MVB12A: variants seen among roughly 807,000 people sequenced by gnomAD.
MVB12A encodes multivesicular body subunit 12A, also known as CIN85/CD2AP family binding protein.
MVB12A carries 30 observed loss-of-function variants against 34.3 expected under a neutral mutation model. The observed-to-expected ratio is 0.88, with a 90% CI of 0.65 to 1.19. The LOEUF is 1.19. Among genes scored for constraint, MVB12A ranks in the 50% most tolerant of loss-of-function variants. The probability of loss-of-function intolerance (pLI) is 0.00; values close to 1 mark genes in which losing one functional copy is unlikely to be tolerated. For missense variants in MVB12A, 355 were observed against 369.2 expected, an observed-to-expected ratio of 0.96 and a Z score of 0.31; for synonymous variants, 158 against 158.9, an observed-to-expected ratio of 0.99 and a Z score of 0.04.
At chr19:17,412,040 C>T (rs938083768) in intron 2 of MVB12A, among the ~76,000 whole-genome samples, 7 of 152,126 alleles carry the variant, frequency 4.6e-5, no homozygotes, top group Non-Finnish European at 1.0e-4. Context: ...CCGCTGCCAT[C>T]TAGGGATGTA....
intron 3 of MVB12A, chr19:17,421,120 A>G (rs919407036): frequency 4.7e-6 from 2 of 422,030 alleles, no homozygotes; most frequent in Non-Finnish European, 9.4e-6. Context: ...GAACTTTCCC[A>G]CCCTTTCTTG....
chr19:17,408,424 ATTTTG>A (rs1298214674), intron 2 of MVB12A, among the ~76,000 whole-genome samples: 1 of 146,200 alleles, frequency 6.8e-6, no homozygotes, highest in Non-Finnish European at 1.5e-5. Flanking sequence ...TATTTATTTT[ATTTTG>A]TTTTAATTAA....
intron 1 of MVB12A, chr19:17,405,933 C>T (rs1358605057): frequency 1.1e-5 from 2 of 177,926 alleles, no homozygotes; most frequent in East Asian, 3.2e-4. Context: ...TGTACTATGA[C>T]CTGAAGAGGC....
chr19:17,417,901 CTTT>C (rs35259022), upstream of MVB12A: 390 of 237,176 alleles, frequency 1.6e-3, no homozygotes, highest in South Asian at 4.5e-3. Context: ...CTTCTTCTTC[CTTT>C]TTTTTTTTTT....
At chr19:17,421,145 C>T (rs1436869481) in intron 3 of MVB12A, 1 of 453,886 alleles carries the variant, frequency 2.2e-6, no homozygotes, top group Non-Finnish European at 4.4e-6. Context: ...TTTTATTTGA[C>T]TCAGGCTATA....
At chr19:17,419,431 C>T (rs925563399), upstream of MVB12A, 1 of 152,162 alleles carries the variant, frequency 6.6e-6, no homozygotes, top group South Asian at 2.1e-4. Context: ...TTATACGTCG[C>T]TTTTTAAACG....
intron 3 of MVB12A, 106 bp downstream of exon 3, chr19:17,420,740 A>AT: frequency 1.3e-6 from 1 of 749,972 alleles, no homozygotes; most frequent in Non-Finnish European, 2.3e-6. Flanking sequence ...GCCCCCTGGC[A>AT]CACGGGGTGA....
At chr19:17,413,629 G>C (rs1218222755) in intron 2 of MVB12A, among the ~76,000 whole-genome samples, 1 of 152,080 alleles carries the variant, frequency 6.6e-6, no homozygotes, top group Non-Finnish European at 1.5e-5. Context: ...AGGGTCCCTT[G>C]AGCCCAAGAG....
intron 2 of MVB12A, among the ~76,000 whole-genome samples, chr19:17,409,486 T>C (rs1220091709): frequency 7.0e-6 from 1 of 143,016 alleles, no homozygotes. Flanking sequence ...TTCACTCTTG[T>C]TACCCAGGGT....
At chr19:17,420,026 C>G, upstream of MVB12A, 3 of 514,014 alleles carry the variant, frequency 5.8e-6, no homozygotes, top group Non-Finnish European at 8.8e-6. Flanking sequence ...CCCCCCCCCC[C>G]CGCATGGCCT....
chr19:17,407,005 C>T (rs564854920), intron 2 of MVB12A, among the ~76,000 whole-genome samples: 2 of 152,174 alleles, frequency 1.3e-5, no homozygotes, highest in Admixed American at 6.6e-5. Flanking sequence ...CAGCACTGTT[C>T]TGGCCTGCTA....
Position 17,422,429 on chromosome 19 carries a change from C to A in MVB12A, c.384C>A (p.Thr128=). 2 of 1,613,362 alleles carry A rather than the reference C, an allele frequency of 1.2e-6. No individual in the cohort carries two copies. The highest frequency in any genetic ancestry group is 2.2e-5 in the East Asian group (1 of 44,836). ...TTGATGTCCGGCTGAGTGGGAAGACCAAGACAGTGCCTGGATACCTTCGAA... is the reference window on the plus strand; with the variant it reads ...TTGATGTCCGGCTGAGTGGGAAGACAAAGACAGTGCCTGGATACCTTCGAA... ...AVFDVRLSGK[T]KTVPGYLRIG... is the part of the protein sequence containing the mutation. The change falls in exon 4 of 9, where the codon ACC becomes ACA. Residue 128 remains threonine (T), a synonymous_variant. Coordinates refer to ENST00000317040, the MANE Select transcript of MVB12A (RefSeq NM_138401.4).
At chr19:17,414,356 C>T (rs915164318) in intron 2 of MVB12A, 1 of 152,232 alleles carries the variant, frequency 6.6e-6, no homozygotes, top group Non-Finnish European at 1.5e-5. Context: ...ACTCCTCTCT[C>T]ACACCTATCA....
At position 17,425,331 on chromosome 19, in the gene MVB12A, C is replaced by T. The variant is rs1032483069; in HGVS notation, c.*338C>T. On this transcript the variant is annotated 3_prime_UTR_variant, in exon 9 of 9. Coordinates refer to ENST00000317040, the MANE Select transcript of MVB12A (RefSeq NM_138401.4). ...GGCAATAAACACTACCCGGTTCTCG[C>T]CCTCTGGAGTCCTGATCCTGCCGCC... The T allele has an allele frequency of 3.1e-6, 1 of 325,022 alleles. No individual in the cohort carries two copies. The highest frequency in any genetic ancestry group is 2.1e-5 in the African/African-American group (1 of 46,722). The allele number at this position is 325,022 out of a possible 1,614,324, so 20.1% of individuals were successfully genotyped here. A position where few individuals can be genotyped will look rare whatever the true frequency, so the allele number is the denominator to read the frequency against.
chr19:17,418,188 C>T, upstream of MVB12A: 1 of 154,656 alleles, frequency 6.5e-6, no homozygotes, highest in Non-Finnish European at 1.4e-5. Flanking sequence ...AGTCACTGTG[C>T]CAGGCCGGTT....
At chr19:17,420,737 G>T (rs1599606958) in intron 3 of MVB12A, 103 bp downstream of exon 3, 10 of 763,892 alleles carry the variant, frequency 1.3e-5, no homozygotes, top group South Asian at 1.2e-4. Flanking sequence ...GCTGCCCCCT[G>T]GCACACGGGG....
At chr19:17,410,497 CATATATATATATAT>C (rs373127253) in intron 2 of MVB12A, among the ~76,000 whole-genome samples, 51 of 77,552 alleles carry the variant, frequency 6.6e-4, no homozygotes, top group Admixed American at 1.4e-3. Context: ...GTTTTAGCTT[CATATATATATATAT>C]ATATATATAT....
At chr19:17,420,658 A>T (rs2074832846) in intron 3 of MVB12A, 24 bp downstream of exon 3, 1 of 1,545,518 alleles carries the variant, frequency 6.5e-7, no homozygotes, top group East Asian at 2.2e-5. Flanking sequence ...CGGAGGCGAG[A>T]GTTGTCCGGG....
intron 3 of MVB12A, chr19:17,420,920 G>A (rs1003174166): frequency 7.8e-6 from 5 of 644,390 alleles, no homozygotes; most frequent in African/African-American, 1.8e-5. Context: ...TTACACCATA[G>A]CCAAGCAAAA....
Sources: allele counts gnomAD v4.1 joint callset (sites outside exome capture counted in the v4.1 genomes callset), GRCh38; gene constraint gnomAD v4.1.1; transcripts MANE v1.5; gene names NCBI Gene and HGNC (gene_info 2026-07-23, HGNC 2026-07-21).